The following ATP6V1C2 variants were observed in gnomAD, a reference collection of about 807,000 sequenced individuals.
ATP6V1C2 encodes ATPase H+ transporting V1 subunit C2, also known as V-type proton ATPase subunit C 2.
Under a neutral mutation model 56.8 loss-of-function variants are expected in ATP6V1C2, and 45 were observed. The observed-to-expected ratio is 0.79, with a 90% CI of 0.62 to 1.02. The LOEUF (loss-of-function observed/expected upper bound fraction) is 1.02, where lower values mean the gene tolerates loss of function less well. Among genes scored for constraint, ATP6V1C2 ranks in the 50% least tolerant of loss-of-function variants. The pLI is 0.00. For missense variants in ATP6V1C2, 463 were observed against 519.7 expected (o/e 0.89, Z 1.06); for synonymous variants, 220 against 201.3 (o/e 1.09, Z -0.79).
intron 5 of ATP6V1C2, among the ~76,000 whole-genome samples, chr2:10,767,130 T>A (rs1247016238): frequency 6.6e-6 from 1 of 151,124 alleles, no homozygotes; most frequent in Non-Finnish European, 1.5e-5. Context: ...ACTTTATCTT[T>A]AAATATTTTT....
intron 3 of ATP6V1C2, among the ~76,000 whole-genome samples, chr2:10,728,549 T>C (rs1470951905): frequency 1.3e-5 from 2 of 152,056 alleles, no homozygotes; most frequent in Admixed American, 1.3e-4. Flanking sequence ...AATAGACTGG[T>C]GGATTGCTTG....
intron 3 of ATP6V1C2, among the ~76,000 whole-genome samples, chr2:10,746,263 A>T (rs11680645): frequency 2.0e-5 from 3 of 152,146 alleles, no homozygotes; most frequent in Admixed American, 6.5e-5. Context: ...GCCTCCCAAC[A>T]TGCTGGGATT....
At chr2:10,734,561 A>G (rs1662151703) in intron 3 of ATP6V1C2, among the ~76,000 whole-genome samples, 1 of 152,192 alleles carries the variant, frequency 6.6e-6, no homozygotes, top group Admixed American at 6.5e-5. Context: ...GATCTTATCT[A>G]ACCTGCAAGA....
At chr2:10,737,260 C>CAAAAAAA (rs70953338) in intron 3 of ATP6V1C2, among the ~76,000 whole-genome samples, 1 of 123,078 alleles carries the variant, frequency 8.1e-6, no homozygotes, top group African/African-American at 3.1e-5. Flanking sequence ...ACTAAAAATA[C>CAAAAAAA]AAAAAAAAAA....
intron 4 of ATP6V1C2, among the ~76,000 whole-genome samples, chr2:10,754,413 A>T (rs935655152): frequency 4.0e-5 from 6 of 151,794 alleles, no homozygotes; most frequent in South Asian, 2.1e-4. Context: ...TTTAGTAGAG[A>T]TGGAGTTTCA....
chr2:10,768,447 C>T (rs12477285), intron 5 of ATP6V1C2, among the ~76,000 whole-genome samples: 23,114 of 152,184 alleles, frequency 0.15, 2,291 homozygotes, highest in Non-Finnish European at 0.22. Context: ...TAGGTGTGGG[C>T]GTGGGATGTC....
chr2:10,746,064 T>C (rs192755341), intron 3 of ATP6V1C2, among the ~76,000 whole-genome samples: 1 of 152,280 alleles, frequency 6.6e-6, no homozygotes, highest in East Asian at 1.9e-4. Flanking sequence ...TGTTTGTTTT[T>C]GAGATGGAGT....
intron 3 of ATP6V1C2, among the ~76,000 whole-genome samples, chr2:10,742,463 A>G (rs1340842508): frequency 6.6e-6 from 1 of 152,108 alleles, no homozygotes; most frequent in Non-Finnish European, 1.5e-5. Flanking sequence ...AAGGCTACAT[A>G]AGAATCTCCT....
At chr2:10,772,691 C>A in intron 8 of ATP6V1C2, 81 bp downstream of exon 8, 1 of 1,267,532 alleles carries the variant, frequency 7.9e-7, no homozygotes, top group Non-Finnish European at 1.2e-6. Context: ...CCAAACATGC[C>A]CCGAGGGTGT....
At chr2:10,764,896 G>A (rs756533193) in intron 5 of ATP6V1C2, among the ~76,000 whole-genome samples, 25 of 151,940 alleles carry the variant, frequency 1.6e-4, no homozygotes, top group Non-Finnish European at 3.2e-4. Context: ...ACTTGAACCC[G>A]GGAGGTGGAG....
At chr2:10,727,828 G>T (rs932754356) in intron 3 of ATP6V1C2, among the ~76,000 whole-genome samples, 1 of 151,880 alleles carries the variant, frequency 6.6e-6, no homozygotes. Flanking sequence ...GAGCGGGGGA[G>T]GGGGGATGGG....
chr2:10,780,343 C>T lies in ATP6V1C2; in HGVS notation c.1061+1674C>T, dbSNP rs184673077. 3.9e-5 allele frequency among the ~76,000 whole-genome samples: 6 copies of T among 152,326 alleles called. No individual in the cohort carries two copies. Among genetic ancestry groups the T allele is most frequent in the African/African-American group, 1.4e-4 (6 of 41,572 alleles). ...CTCTCTTTCACGGGTCTGGCCCCAC[C>T]GGCCTGGCTGTTGCCATAAGCCTCC... On this transcript the variant is annotated intron_variant, in intron 12 of 13. Coordinates refer to ENST00000272238, the MANE Select transcript of ATP6V1C2 (RefSeq NM_001039362.2). This position sits in a 1 kb window ranked among gnomAD's most constrained non-coding sequence, Gnocchi z 4.1.
chr2:10,770,655 G>A (rs564364560), intron 6 of ATP6V1C2, among the ~76,000 whole-genome samples: 2 of 152,356 alleles, frequency 1.3e-5, no homozygotes, highest in Admixed American at 6.5e-5. Flanking sequence ...TAGCCTCTTC[G>A]CTCAACTGGT....
intron 3 of ATP6V1C2, among the ~76,000 whole-genome samples, chr2:10,732,336 G>A (rs1662002836): frequency 6.6e-6 from 1 of 151,976 alleles, no homozygotes; most frequent in Admixed American, 6.6e-5. Context: ...TTGGCTCACT[G>A]CAACCTCCGC....
intron 8 of ATP6V1C2, 120 bp from the exon 9 acceptor site, chr2:10,774,668 C>T: frequency 1.2e-6 from 1 of 820,950 alleles, no homozygotes. Flanking sequence ...TCCTTGGTTC[C>T]CCAGCCCTCA....
At chr2:10,772,330 T>G (rs1445852206) in intron 7 of ATP6V1C2, among the ~76,000 whole-genome samples, 1 of 152,088 alleles carries the variant, frequency 6.6e-6, no homozygotes, top group African/African-American at 2.4e-5. Flanking sequence ...TCCATAGCTC[T>G]TCACAAAGGG....
At chr2:10,772,510 A>G in intron 7 of ATP6V1C2, 32 bp from the exon 8 acceptor site, 2 of 1,601,162 alleles carry the variant, frequency 1.2e-6, no homozygotes, top group Non-Finnish European at 1.7e-6. Flanking sequence ...CTTTTCTGCA[A>G]AAAATCACGT....
At chr2:10,765,214 C>T (rs1664153029) in intron 5 of ATP6V1C2, among the ~76,000 whole-genome samples, 1 of 152,202 alleles carries the variant, frequency 6.6e-6, no homozygotes, top group Admixed American at 6.5e-5. Flanking sequence ...CAATGGCCTC[C>T]ACTCCACTTG....
chr2:10,779,347 T>C (rs1665199051), intron 12 of ATP6V1C2, among the ~76,000 whole-genome samples: 1 of 149,548 alleles, frequency 6.7e-6, no homozygotes, highest in African/African-American at 2.5e-5. Flanking sequence ...TAACCTCAGA[T>C]GATCCGCCCA....
Sources: gnomAD v4.1 joint callset for allele counts (sites outside exome capture counted in the v4.1 genomes callset) on GRCh38, gnomAD v4.1.1 for gene constraint, Gnocchi (gnomAD v3.1) non-coding constraint, MANE v1.5 for transcripts, NCBI Gene and HGNC (gene_info 2026-07-23, HGNC 2026-07-21) for gene names.